XRCC5: variants seen among roughly 807,000 people sequenced by gnomAD.
The protein encoded by XRCC5 is DNA repair protein Ku80.
In XRCC5, 12 loss-of-function variants were observed where a neutral mutation model predicts 95.7. The observed-to-expected ratio is 0.13, with a 90% CI of 0.08 to 0.20. The LOEUF (loss-of-function observed/expected upper bound fraction) is 0.20, where lower values mean the gene tolerates loss of function less well. Ranked by LOEUF, XRCC5 falls within the 10% of genes least tolerant of loss-of-function variation. The pLI is 1.00. For synonymous variants in XRCC5, 281 were observed against 290.3 expected (o/e 0.97, Z 0.33); for missense variants, 595 against 873.9 (o/e 0.68, Z 4.02).
At chr2:216,149,230 A>G (rs1017871844) in intron 14 of XRCC5, among the ~76,000 whole-genome samples, 2 of 152,088 alleles carry the variant, frequency 1.3e-5, no homozygotes, top group Non-Finnish European at 2.9e-5. Context: ...TTACTGTCTA[A>G]ATTGAATAGA....
intron 16 of XRCC5, among the ~76,000 whole-genome samples, chr2:216,187,589 T>G (rs76845072): frequency 0.011 from 1,709 of 151,698 alleles, 30 homozygotes; most frequent in African/African-American, 0.039. Context: ...TGCTTTGTTT[T>G]TTCGCAAAGC....
At chr2:216,176,781 T>C (rs1219791195) in intron 16 of XRCC5, among the ~76,000 whole-genome samples, 2 of 152,208 alleles carry the variant, frequency 1.3e-5, no homozygotes, top group African/African-American at 2.4e-5. Context: ...TTCTTGTTTC[T>C]TAAGGTGGAA....
intron 16 of XRCC5, among the ~76,000 whole-genome samples, chr2:216,183,934 A>G (rs1335144439): frequency 6.6e-6 from 1 of 152,092 alleles, no homozygotes; most frequent in African/African-American, 2.4e-5. Context: ...AGACCATGCA[A>G]CTAGAAAACA....
chr2:216,110,025 T>G (rs889327721), intron 1 of XRCC5, among the ~76,000 whole-genome samples: 6 of 152,230 alleles, frequency 3.9e-5, no homozygotes, highest in African/African-American at 1.4e-4. Context: ...CTTTTATTCT[T>G]ATCTCATTTA....
chr2:216,142,630 A>T (rs1697190605), intron 13 of XRCC5, among the ~76,000 whole-genome samples: 1 of 152,330 alleles, frequency 6.6e-6, no homozygotes, highest in South Asian at 2.1e-4. Context: ...TTTTAAGGCA[A>T]GCTGTTGCTC....
At chr2:216,128,635 A>T (rs1035079845) in intron 8 of XRCC5, among the ~76,000 whole-genome samples, 4 of 152,186 alleles carry the variant, frequency 2.6e-5, no homozygotes, top group Non-Finnish European at 5.9e-5. Flanking sequence ...ACTGGCTCAT[A>T]GTAGGAAGAA....
In XRCC5 at chr2:216,200,940, CAT is replaced by C. The variant is rs557297577; in HGVS notation, c.2110-3379_2110-3378del. Among the ~76,000 whole-genome samples the C allele has an allele frequency of 3.9e-3, 590 of 152,258 alleles. 1 individual carries two copies. Among genetic ancestry groups the C allele is most frequent in the Non-Finnish European group, 7.1e-3 (480 of 68,026 alleles). The stretch of plus-strand genomic sequence containing the variant: ...ATTCTTGTACATACCACTTGGTGGA[CAT>C]ATGTTAAGTGTATTCCTAGGAATTA... On this transcript the variant is annotated intron_variant, in intron 19 of 20. Coordinates refer to ENST00000392132, the MANE Select transcript of XRCC5 (RefSeq NM_021141.4).
chr2:216,123,296 T>A (rs960304761), intron 6 of XRCC5, among the ~76,000 whole-genome samples: 2 of 152,168 alleles, frequency 1.3e-5, no homozygotes, highest in Non-Finnish European at 2.9e-5. Flanking sequence ...TGTTCTGATT[T>A]TCTAAATACA....
intron 19 of XRCC5, among the ~76,000 whole-genome samples, chr2:216,202,153 A>T (rs893736710): frequency 6.6e-6 from 1 of 152,196 alleles, no homozygotes; most frequent in African/African-American, 2.4e-5. Flanking sequence ...GGACTACAGA[A>T]CCATTAAGCC....
At position 216,148,250 on chromosome 2, in the gene XRCC5, G is replaced by A; in HGVS notation, c.1644G>A (p.Val548=). The stretch of plus-strand genomic sequence containing the variant: ...TTGAAGCCAAGAAAAAGGATCAAGT[G>A]ACTGCTCAGGAAATTTTCCAAGACA... The part of the protein sequence containing the change: ...PLIEAKKKDQ[V]TAQEIFQDNH... Residue 548 remains valine, a synonymous_variant, in exon 14 of 21, where the codon GTG becomes GTA. Coordinates refer to ENST00000392132, the MANE Select transcript of XRCC5 (RefSeq NM_021141.4). The A allele has an allele frequency of 6.2e-7, 1 of 1,610,786 alleles. No individual in the cohort carries two copies. The highest frequency in any genetic ancestry group is 8.5e-7 in the Non-Finnish European group (1 of 1,179,272).
chr2:216,140,479 T>C (rs1697154341), intron 12 of XRCC5, among the ~76,000 whole-genome samples: 1 of 152,214 alleles, frequency 6.6e-6, no homozygotes, highest in Non-Finnish European at 1.5e-5. Flanking sequence ...ACCATTTTTA[T>C]TGACTGAGTA....
rs148063560 is a variant in XRCC5 at position 216,111,908 on chromosome 2, C to G, written c.22-1108C>G. Among the ~76,000 whole-genome samples the G allele has an allele frequency of 1.2e-3, 190 of 152,254 alleles. 1 individual carries two copies. The highest frequency in any genetic ancestry group is 0.012 in the Admixed American group (179 of 15,300). On this transcript the variant is annotated intron_variant, in intron 1 of 20. Coordinates refer to ENST00000392132, the MANE Select transcript of XRCC5 (RefSeq NM_021141.4). ...AGATGGGACTAGATCCCAGGTCTCC[C>G]GATTGCTATTATCTTTTTTCACCAG... is the stretch of plus-strand genomic sequence containing the variant.
rs1229555763 is a variant in XRCC5 at position 216,116,825 on chromosome 2, G to A, written c.302G>A (p.Gly101Asp). 3 of 1,613,904 alleles carry A rather than the reference G, an allele frequency of 1.9e-6. No homozygotes were observed. In the Admixed American group the frequency reaches 5.0e-5, roughly 27 times the overall value. ...LEDIESKIQP[G>D]SQQADFLDAL... ...GACATTGAAAGCAAAATCCAACCAG[G>A]TTCTCAACAGGCTGACTGTATCCTT... The change falls in exon 3 of 21, where the codon GGT becomes GAT. Residue 101 changes from glycine (G) to aspartate (D), a missense_variant. By Grantham distance (94) the Gly-to-Asp change is moderately conservative (BLOSUM62 -1). This residue lies in a region of XRCC5 where 286 missense variants were observed against 491.1 expected (regional missense o/e 0.58). Transcript: ENST00000392132.
At chr2:216,119,419 A>G (rs1696767164) in intron 5 of XRCC5, among the ~76,000 whole-genome samples, 1 of 152,204 alleles carries the variant, frequency 6.6e-6, no homozygotes, top group South Asian at 2.1e-4. Context: ...ATCATTGTTT[A>G]GTGTTCTTAG....
chr2:216,131,011 G>T, intron 9 of XRCC5, 24 bp downstream of exon 9: 1 of 1,573,446 alleles, frequency 6.4e-7, no homozygotes, highest in Non-Finnish European at 8.7e-7. Flanking sequence ...CAAACTAAAT[G>T]AGCTTTTTCC....
chr2:216,203,244 C>G (rs923784853), intron 19 of XRCC5, among the ~76,000 whole-genome samples: 1 of 152,142 alleles, frequency 6.6e-6, no homozygotes, highest in Admixed American at 6.5e-5. Context: ...AGGGGCCAGT[C>G]AGTTGTGGTA....
rs1192767404 is a variant in XRCC5, at chr2:216,141,545, T to TTTTTTC, written c.1476+231_1476+232insCTTTTT. Among the ~76,000 whole-genome samples the TTTTTTC allele has an allele frequency of 1.5e-4, 9 of 60,844 alleles. 1 individual carries two copies. Among genetic ancestry groups the TTTTTTC allele is most frequent in the Admixed American group, 1.4e-4 (1 of 6,932 alleles). 39.9% of individuals were successfully genotyped at this position (60,844 alleles called of 152,430 possible). On this transcript the variant is annotated intron_variant, in intron 13 of 20. Coordinates refer to ENST00000392132, the MANE Select transcript of XRCC5 (RefSeq NM_021141.4). ...TGGAATGCTTTCTTTCTTTTCTTTT[T>TTTTTTC]TTTTTTTTTTTTTTTTTTTTTCCTG...
At chr2:216,150,033 A>T (rs563298846) in intron 14 of XRCC5, among the ~76,000 whole-genome samples, 4 of 150,652 alleles carry the variant, frequency 2.7e-5, no homozygotes, top group African/African-American at 9.7e-5. Flanking sequence ...AGAATGGTTC[A>T]GTCCTTTCTA....
rs41296386 is a variant in XRCC5 at position 216,137,480 on chromosome 2, T to C, written c.1251+255T>C. 4.2e-3 allele frequency among the ~76,000 whole-genome samples: 631 copies of C among 151,022 alleles called. 7 individuals are homozygous for C. The highest frequency in any genetic ancestry group is 0.014 in the African/African-American group (589 of 41,530). ...ATATAAGAATCTTTTAATTATAAAG[T>C]ATCATAAGAATCTTTTTATTAAGTA... On this transcript the variant is annotated intron_variant, in intron 11 of 20. Coordinates refer to ENST00000392132, the MANE Select transcript of XRCC5 (RefSeq NM_021141.4).
Sources: allele counts gnomAD v4.1 joint callset (sites outside exome capture counted in the v4.1 genomes callset), GRCh38; gene constraint gnomAD v4.1.1; regional missense constraint gnomAD v4.1.1; transcripts MANE v1.5; gene names NCBI Gene and HGNC (gene_info 2026-07-23, HGNC 2026-07-21).